The following GKAP1 variants were observed in gnomAD, a reference collection of about 807,000 sequenced individuals.
GKAP1 encodes the protein G kinase anchoring protein 1.
Under a neutral mutation model 56.7 loss-of-function variants are expected in GKAP1, and 31 were observed. That is an observed-to-expected ratio of 0.55 (90% CI 0.41 to 0.74). The LOEUF is 0.74. GKAP1 is among the 30% of genes least tolerant of loss of function. The pLI, the probability that GKAP1 is intolerant of heterozygous loss-of-function variation, is 0.00. For missense variants in GKAP1, 364 were observed against 402.3 expected (o/e 0.90, Z 0.82); for synonymous variants, 151 against 138.6 (o/e 1.09, Z -0.63).
At chr9:83,765,069 G>A (rs1427349568) in intron 8 of GKAP1, among the ~76,000 whole-genome samples, 4 of 152,276 alleles carry the variant, frequency 2.6e-5, no homozygotes, top group Middle Eastern at 3.4e-3. Context: ...TGGAAGCCTA[G>A]GAGGGAAAAT....
intron 3 of GKAP1, among the ~76,000 whole-genome samples, chr9:83,802,691 G>A (rs1033202862): frequency 1.3e-5 from 2 of 152,076 alleles, no homozygotes; most frequent in Admixed American, 6.6e-5. Flanking sequence ...GCTGGGTGTG[G>A]TGGTGCTTGC....
intron 5 of GKAP1, among the ~76,000 whole-genome samples, chr9:83,787,309 T>C (rs1381870049): frequency 6.6e-6 from 1 of 152,178 alleles, no homozygotes; most frequent in Non-Finnish European, 1.5e-5. Context: ...TGATCATAGC[T>C]CACTGCATCC....
intron 3 of GKAP1, among the ~76,000 whole-genome samples, chr9:83,803,694 G>C (rs1310148560): frequency 2.6e-5 from 4 of 151,612 alleles, no homozygotes; most frequent in African/African-American, 9.7e-5. Context: ...GAAGTGAGGA[G>C]CGTCTCTGCC....
chr9:83,769,343 T>C (rs1943717689), intron 7 of GKAP1, among the ~76,000 whole-genome samples: 1 of 152,152 alleles, frequency 6.6e-6, no homozygotes, highest in Non-Finnish European at 1.5e-5. Context: ...ATATAACAAT[T>C]CCATCACCCC....
At chr9:83,814,888 A>G (rs1398239959) in intron 2 of GKAP1, among the ~76,000 whole-genome samples, 1 of 152,338 alleles carries the variant, frequency 6.6e-6, no homozygotes, top group African/African-American at 2.4e-5. Context: ...TGTTGATTTA[A>G]GCCAGCCGGG....
intron 4 of GKAP1, among the ~76,000 whole-genome samples, chr9:83,789,279 A>G (rs1054721864): frequency 5.9e-5 from 9 of 152,170 alleles, no homozygotes; most frequent in African/African-American, 2.2e-4. Context: ...TTCACTAATC[A>G]ATCTCACCTA....
chr9:83,744,655 C>T (rs531379731), intron 10 of GKAP1, among the ~76,000 whole-genome samples: 1 of 152,272 alleles, frequency 6.6e-6, no homozygotes, highest in African/African-American at 2.4e-5. Flanking sequence ...GTGCTTCTAA[C>T]CTTCCTTTTT....
chr9:83,802,649 T>C (rs1335673884), intron 3 of GKAP1, among the ~76,000 whole-genome samples: 1 of 151,950 alleles, frequency 6.6e-6, no homozygotes, highest in East Asian at 1.9e-4. Context: ...GGCAATGTAC[T>C]GTGACCCTGT....
chr9:83,752,830 G>T (rs1270678414), intron 9 of GKAP1, among the ~76,000 whole-genome samples: 3 of 152,248 alleles, frequency 2.0e-5, no homozygotes, highest in African/African-American at 7.2e-5. Context: ...CAGCACTTTG[G>T]GAGGCTGGGG....
chr9:83,813,432 C>T (rs1195918127), intron 2 of GKAP1, among the ~76,000 whole-genome samples: 7 of 151,912 alleles, frequency 4.6e-5, no homozygotes, highest in Non-Finnish European at 1.0e-4. Context: ...TATATTTTTC[C>T]CCTCCTCCCT....
intron 4 of GKAP1, among the ~76,000 whole-genome samples, chr9:83,797,738 A>T (rs938433874): frequency 5.3e-5 from 8 of 152,192 alleles, no homozygotes; most frequent in Admixed American, 2.0e-4. Flanking sequence ...AGAAAAGGCA[A>T]TCAGATATCT....
chr9:83,762,509 A>G (rs1042721654), intron 8 of GKAP1, among the ~76,000 whole-genome samples: 1 of 152,190 alleles, frequency 6.6e-6, no homozygotes. Context: ...TGCAATCCCT[A>G]TTAAAATACC....
intron 3 of GKAP1, among the ~76,000 whole-genome samples, chr9:83,799,671 C>A (rs1432513595): frequency 6.6e-6 from 1 of 152,114 alleles, no homozygotes; most frequent in Non-Finnish European, 1.5e-5. Flanking sequence ...ATGCAAAACA[C>A]AACTGGGCTC....
Position 83,791,131 on chromosome 9 carries a change from G to A in GKAP1, c.361-2453C>T, listed in dbSNP as rs138413686. On this transcript the variant is annotated intron_variant, in intron 4 of 12. Coordinates refer to ENST00000376371, the MANE Select transcript of GKAP1 (RefSeq NM_025211.4). ...GAAATAGAAATTTTAGGCCAGGCGTGGTGGCTCATGCCTGTAATCCCAGCA... is the reference window on the plus strand; with the variant it reads ...GAAATAGAAATTTTAGGCCAGGCGTAGTGGCTCATGCCTGTAATCCCAGCA... 8.0e-3 allele frequency among the ~76,000 whole-genome samples: 1,215 copies of A among 152,220 alleles called. 32 individuals carry two copies. Among genetic ancestry groups the A allele is most frequent in the East Asian group, 0.037 (191 of 5,172 alleles).
At chr9:83,751,110 A>G (rs1454808215) in intron 9 of GKAP1, among the ~76,000 whole-genome samples, 2 of 152,136 alleles carry the variant, frequency 1.3e-5, no homozygotes, top group African/African-American at 4.8e-5. Flanking sequence ...GCTGGAATTA[A>G]CAGGTGTGAG....
Position 83,791,175 on chromosome 9 carries a change from G to A in GKAP1, c.361-2497C>T, listed in dbSNP as rs577562891. 1.2e-4 allele frequency among the ~76,000 whole-genome samples: 19 copies of A among 152,270 alleles called. No individual in the cohort carries two copies. The East Asian group carries it at 3.5e-3, about 28-fold the overall frequency. The stretch of plus-strand genomic sequence containing the variant: ...CCCAGCACTTTGGGAGGCCGAGACA[G>A]GCAGATCACAAGGTCAGGAGATCAA... On this transcript the variant is annotated intron_variant, in intron 4 of 12. Coordinates refer to ENST00000376371, the MANE Select transcript of GKAP1 (RefSeq NM_025211.4).
chr9:83,758,665 C>T (rs1240342783), intron 8 of GKAP1, among the ~76,000 whole-genome samples: 1 of 151,654 alleles, frequency 6.6e-6, no homozygotes, highest in African/African-American at 2.4e-5. Context: ...AGGAGCATTG[C>T]TTGAACCCAG....
rs1944479980 is a variant in GKAP1 at position 83,809,511 on chromosome 9, G to A, written c.-43-2951C>T. ...TCATAGACAGGCTTGTGAAACTGTTGGAAGATTATGTTCAAGGTGCCTAAA... is the reference window on the plus strand; with the variant it reads ...TCATAGACAGGCTTGTGAAACTGTTAGAAGATTATGTTCAAGGTGCCTAAA... On this transcript the variant is annotated intron_variant, in intron 2 of 12. Coordinates refer to ENST00000376371, the MANE Select transcript of GKAP1 (RefSeq NM_025211.4). Among the ~76,000 whole-genome samples, 6 of 152,322 alleles carry A rather than the reference G, an allele frequency of 3.9e-5. No homozygotes were observed. In the South Asian group the frequency reaches 1.2e-3, roughly 32 times the overall value.
chr9:83,784,871 GT>G, intron 5 of GKAP1, 33 bp from the exon 6 acceptor site: 2 of 1,452,822 alleles, frequency 1.4e-6, no homozygotes, highest in Non-Finnish European at 1.9e-6. Context: ...ATTAAGTTCA[GT>G]TTACAAACTG....
Sources: allele counts gnomAD v4.1 joint callset (sites outside exome capture counted in the v4.1 genomes callset), GRCh38; gene constraint gnomAD v4.1.1; transcripts MANE v1.5; gene names NCBI Gene and HGNC (gene_info 2026-07-23, HGNC 2026-07-21).